The following IMMP2L variants were observed in gnomAD, a reference collection of about 807,000 sequenced individuals.
The protein encoded by IMMP2L is mitochondrial inner membrane protease subunit 2.
A neutral mutation model predicts 19.3 loss-of-function variants in IMMP2L; 18 were observed. The observed-to-expected ratio is 0.93, with a 90% CI of 0.64 to 1.38. The LOEUF (loss-of-function observed/expected upper bound fraction) is 1.38, where lower values mean the gene tolerates loss of function less well. Among genes scored for constraint, IMMP2L ranks in the 40% most tolerant of loss-of-function variants. The pLI is 0.00. For missense variants in IMMP2L, 233 were observed against 218.2 expected (o/e 1.07, Z -0.43); for synonymous variants, 76 against 73.0 (o/e 1.04, Z -0.21).
intron 3 of IMMP2L, among the ~76,000 whole-genome samples, chr7:111,360,838 A>G (rs772775957): frequency 8.5e-5 from 13 of 152,112 alleles, no homozygotes; most frequent in Admixed American, 2.0e-4. Context: ...AGAACAAAGC[A>G]AAAGTAAAAT....
At chr7:110,684,499 T>A (rs1022881095) in intron 5 of IMMP2L, among the ~76,000 whole-genome samples, 3 of 152,046 alleles carry the variant, frequency 2.0e-5, no homozygotes, top group Non-Finnish European at 2.9e-5. Context: ...GTAAATTTTC[T>A]TAATTTACAA....
intron 5 of IMMP2L, among the ~76,000 whole-genome samples, chr7:110,838,470 G>T (rs1412994017): frequency 6.6e-6 from 1 of 152,050 alleles, no homozygotes; most frequent in Admixed American, 6.6e-5. Context: ...AAAGATGGGG[G>T]CCTTAAAAAG....
intron 3 of IMMP2L, among the ~76,000 whole-genome samples, chr7:111,054,696 G>A (rs1793332938): frequency 6.6e-6 from 1 of 152,178 alleles, no homozygotes; most frequent in Admixed American, 6.5e-5. Context: ...AACTCTGCCA[G>A]CACCTCCCTC....
intron 3 of IMMP2L, among the ~76,000 whole-genome samples, chr7:111,423,370 T>C (rs1410510882): frequency 1.3e-5 from 2 of 151,836 alleles, no homozygotes; most frequent in Non-Finnish European, 2.9e-5. Flanking sequence ...TGGTAGCCTA[T>C]TAATTATTGC....
chr7:110,723,051 T>C (rs2130777506), intron 5 of IMMP2L, among the ~76,000 whole-genome samples: 1 of 152,252 alleles, frequency 6.6e-6, no homozygotes, highest in Middle Eastern at 3.4e-3. Context: ...CCCTTGTACC[T>C]AAGATATTGC....
intron 4 of IMMP2L, among the ~76,000 whole-genome samples, chr7:110,938,601 T>A (rs1285110354): frequency 6.6e-6 from 1 of 152,124 alleles, no homozygotes. Flanking sequence ...CTGACGGAGT[T>A]TCTGATTAAA....
intron 2 of IMMP2L, among the ~76,000 whole-genome samples, chr7:111,514,332 A>G (rs1845699078): frequency 6.6e-6 from 1 of 151,966 alleles, no homozygotes; most frequent in African/African-American, 2.4e-5. Context: ...GAACACTTGG[A>G]CACAGAATGG....
Position 111,521,339 on chromosome 7 carries a change from C to T in IMMP2L, c.109G>A (p.Ala37Thr), listed in dbSNP as rs779195073. The T allele has an allele frequency of 6.2e-7, 1 of 1,613,064 alleles. No individual in the cohort carries two copies. The highest frequency in any genetic ancestry group is 1.1e-5 in the South Asian group (1 of 90,998). ...VTFLDRVACV[A>T]RVEGASMQPS... ...TGCATCGATGCTCCTTCTACTCTTG[C>T]CACACAGGCGACCCGATCCAAGAAA... is the stretch of plus-strand genomic sequence containing the variant. The change falls in exon 2 of 6, where the codon GCA (alanine) becomes ACA (threonine). Residue 37 changes from alanine to threonine, a missense_variant. Physicochemically the swap from Ala to Thr is moderately conservative, Grantham distance 58. Transcript: ENST00000405709.
chr7:110,936,955 A>C (rs1284212952), intron 4 of IMMP2L, among the ~76,000 whole-genome samples: 1 of 152,100 alleles, frequency 6.6e-6, no homozygotes, highest in Non-Finnish European at 1.5e-5. Context: ...GGAACAGAAA[A>C]CCAAACAGAA....
chr7:110,719,632 T>C (rs184757481), intron 5 of IMMP2L, among the ~76,000 whole-genome samples: 48 of 152,358 alleles, frequency 3.2e-4, no homozygotes, highest in Non-Finnish European at 5.1e-4. Context: ...TGTGTCTCAA[T>C]AGAATTTTAG....
rs114688429 is a variant in IMMP2L at position 111,153,573 on chromosome 7, A to G, written c.240-190008T>C. Reference sequence around the variant, plus strand: ...ACTCTTGACTAACAGAAATCAGTAAACTATGAGGCCATGCTATTTTTCTTT... The same window carrying G: ...ACTCTTGACTAACAGAAATCAGTAAGCTATGAGGCCATGCTATTTTTCTTT... On this transcript the variant is annotated intron_variant, in intron 3 of 5. Transcript: ENST00000405709. 4.6e-3 allele frequency among the ~76,000 whole-genome samples: 704 copies of G among 152,136 alleles called. 6 individuals carry two copies. The highest frequency in any genetic ancestry group is 0.015 in the African/African-American group (605 of 41,518).
At chr7:111,105,614 T>C (rs939667512) in intron 3 of IMMP2L, among the ~76,000 whole-genome samples, 1 of 151,822 alleles carries the variant, frequency 6.6e-6, no homozygotes, top group East Asian at 1.9e-4. Context: ...AAGAAACAAA[T>C]ACAACATGTA....
intron 5 of IMMP2L, among the ~76,000 whole-genome samples, chr7:110,751,184 A>T (rs867279093): frequency 6.6e-6 from 1 of 151,904 alleles, no homozygotes; most frequent in Non-Finnish European, 1.5e-5. Context: ...AAAAAAAATC[A>T]TGTGTAAGAC....
At chr7:111,154,655 T>TA (rs1280215475) in intron 3 of IMMP2L, among the ~76,000 whole-genome samples, 5 of 152,222 alleles carry the variant, frequency 3.3e-5, no homozygotes, top group African/African-American at 1.2e-4. Flanking sequence ...GAACTAGGGA[T>TA]AATCAATAAA....
intron 4 of IMMP2L, among the ~76,000 whole-genome samples, chr7:110,909,908 AAG>A (rs1049961529): frequency 2.1e-5 from 3 of 145,420 alleles, no homozygotes; most frequent in East Asian, 2.0e-4. Flanking sequence ...GAGAGAGAGA[AAG>A]AGAGAGAGAG....
At chr7:111,509,170 A>G (rs1355502062) in intron 2 of IMMP2L, among the ~76,000 whole-genome samples, 1 of 152,132 alleles carries the variant, frequency 6.6e-6, no homozygotes, top group African/African-American at 2.4e-5. Flanking sequence ...AATGGTTCTC[A>G]AACTTTAGTA....
At chr7:111,509,335 CA>C (rs1845233564) in intron 2 of IMMP2L, among the ~76,000 whole-genome samples, 2 of 152,160 alleles carry the variant, frequency 1.3e-5, no homozygotes, top group Admixed American at 6.5e-5. Flanking sequence ...AGGGTTTTCT[CA>C]AACAAGGGAC....
chr7:110,726,875 C>T (rs1261050354), intron 5 of IMMP2L, among the ~76,000 whole-genome samples: 14 of 152,284 alleles, frequency 9.2e-5, no homozygotes, highest in Non-Finnish European at 5.9e-5. Flanking sequence ...GTGAGTGTTT[C>T]CCTACGGACC....
chr7:111,441,239 G>A (rs1364509569), intron 3 of IMMP2L, among the ~76,000 whole-genome samples: 1 of 151,856 alleles, frequency 6.6e-6, no homozygotes, highest in Non-Finnish European at 1.5e-5. Flanking sequence ...AGCACAAGAG[G>A]CCTACCTTTC....
Sources: gnomAD v4.1 joint callset for allele counts (sites outside exome capture counted in the v4.1 genomes callset) on GRCh38, gnomAD v4.1.1 for gene constraint, MANE v1.5 for transcripts, NCBI Gene and HGNC (gene_info 2026-07-23, HGNC 2026-07-21) for gene names.